SPATA17: variants seen among roughly 807,000 people sequenced by gnomAD.
SPATA17 encodes the protein spermatogenesis-associated protein 17.
SPATA17 carries 53 observed loss-of-function variants against 62.2 expected under a neutral mutation model. The observed-to-expected ratio is 0.85, with a 90% CI of 0.68 to 1.07. The LOEUF is 1.07. SPATA17 is among the 50% of genes least tolerant of loss of function. The pLI is 0.00. For synonymous variants in SPATA17, 146 were observed against 146.8 expected, an observed-to-expected ratio of 0.99 and a Z score of 0.04; for missense variants, 466 against 425.5, an observed-to-expected ratio of 1.10 and a Z score of -0.84.
chr1:217,799,368 A>G (rs890974153), intron 8 of SPATA17, among the ~76,000 whole-genome samples: 2 of 152,136 alleles, frequency 1.3e-5, no homozygotes, highest in Non-Finnish European at 2.9e-5. Flanking sequence ...TTAAAATGCA[A>G]TTCAGAAGTG....
chr1:217,651,277 G>C, intron 3 of SPATA17, 99 bp downstream of exon 3: 1 of 942,818 alleles, frequency 1.1e-6, no homozygotes, highest in South Asian at 2.0e-5. Context: ...AATTACTGAT[G>C]ATGAGTATTT....
intron 6 of SPATA17, among the ~76,000 whole-genome samples, chr1:217,753,418 A>G (rs1354488872): frequency 1.3e-5 from 2 of 152,130 alleles, no homozygotes; most frequent in African/African-American, 4.8e-5. Flanking sequence ...TTTTAGGCCT[A>G]TCTTTCTTTA....
In SPATA17 at chr1:217,870,382, C is replaced by A. The variant is rs899829205; in HGVS notation, c.*3363C>A. 2.6e-5 allele frequency: 4 copies of A among 152,108 alleles called. No homozygotes were observed. The highest frequency in any genetic ancestry group is 9.7e-5 in the African/African-American group (4 of 41,420). The allele number at this position is 152,108 out of a possible 1,614,324, so 9.4% of individuals were successfully genotyped here. ...CCTTAACCACCATCTGCCTCTCCCC[C>A]CAGACACACATAAGTTTATGATAAC... is the stretch of plus-strand genomic sequence containing the variant. On this transcript the variant is annotated 3_prime_UTR_variant, in exon 11 of 11. Transcript: ENST00000366933.
At chr1:217,811,801 T>C (rs1674597917) in intron 9 of SPATA17, among the ~76,000 whole-genome samples, 1 of 152,130 alleles carries the variant, frequency 6.6e-6, no homozygotes, top group African/African-American at 2.4e-5. Flanking sequence ...TTATTAGAAA[T>C]ACTTTACAAT....
chr1:217,667,757 G>A (rs1386915744), intron 3 of SPATA17, among the ~76,000 whole-genome samples: 1 of 152,186 alleles, frequency 6.6e-6, no homozygotes, highest in Non-Finnish European at 1.5e-5. Flanking sequence ...AGCAATGTCT[G>A]CTTCAATATG....
chr1:217,846,571 G>A (rs1470073015), intron 9 of SPATA17, among the ~76,000 whole-genome samples: 2 of 151,944 alleles, frequency 1.3e-5, no homozygotes, highest in Admixed American at 6.6e-5. Context: ...AAGCTTAACT[G>A]AAAGACTTTT....
At chr1:217,747,186 AGATT>A (rs1314134601) in intron 6 of SPATA17, among the ~76,000 whole-genome samples, 5 of 152,120 alleles carry the variant, frequency 3.3e-5, no homozygotes, top group African/African-American at 7.2e-5. Flanking sequence ...CTTTCTCTAA[AGATT>A]GATTATTTAA....
intron 6 of SPATA17, among the ~76,000 whole-genome samples, chr1:217,763,041 A>T (rs1673211139): frequency 6.6e-6 from 1 of 152,222 alleles, no homozygotes; most frequent in South Asian, 2.1e-4. Flanking sequence ...ATTCTGAATG[A>T]GTCAATTTAG....
intron 9 of SPATA17, chr1:217,850,273 A>T: frequency 2.8e-6 from 1 of 356,126 alleles, no homozygotes; most frequent in Non-Finnish European, 5.4e-6. Flanking sequence ...ATGCAACAAA[A>T]CCTTTATTAA....
At position 217,841,409 on chromosome 1, in the gene SPATA17, T is replaced by C. The variant is rs548506054; in HGVS notation, c.1006-21365T>C. On this transcript the variant is annotated intron_variant, in intron 9 of 10. Transcript: ENST00000366933. ...AGTTTGAATTATGAAACATTTTTAA[T>C]ACCTAGAAAAGTATGGCAAAATATA... Among the ~76,000 whole-genome samples the C allele has an allele frequency of 3.9e-5, 6 of 152,122 alleles. No homozygotes were observed. In the East Asian group the frequency reaches 7.8e-4, roughly 20 times the overall value.
At chr1:217,632,542 C>A (rs1444722069) in intron 1 of SPATA17, among the ~76,000 whole-genome samples, 2 of 152,216 alleles carry the variant, frequency 1.3e-5, no homozygotes, top group Non-Finnish European at 2.9e-5. Context: ...ACGTACCTCT[C>A]TTACAGCACT....
intron 5 of SPATA17, among the ~76,000 whole-genome samples, chr1:217,714,666 T>A (rs551891211): frequency 6.6e-6 from 1 of 151,876 alleles, no homozygotes; most frequent in East Asian, 2.0e-4. Flanking sequence ...TGTATTTTTT[T>A]AGTAGAGACG....
chr1:217,735,977 A>AT (rs1166271269), intron 5 of SPATA17, among the ~76,000 whole-genome samples: 1 of 151,596 alleles, frequency 6.6e-6, no homozygotes, highest in African/African-American at 2.4e-5. Context: ...ATGAGTTTAG[A>AT]TTTTTTATCT....
intron 9 of SPATA17, among the ~76,000 whole-genome samples, chr1:217,824,165 C>G (rs2102998367): frequency 6.6e-6 from 1 of 152,002 alleles, no homozygotes; most frequent in South Asian, 2.1e-4. Flanking sequence ...TTCCAAATAG[C>G]TACTAAGTTT....
chr1:217,688,885 CT>C (rs139303167), intron 5 of SPATA17, among the ~76,000 whole-genome samples: 14,625 of 152,134 alleles, frequency 0.096, 952 homozygotes, highest in Non-Finnish European at 0.14. Context: ...TCTTTGAAAC[CT>C]CAGTGCCTAG....
chr1:217,723,473 G>T lies in SPATA17; in HGVS notation c.396-18502G>T, dbSNP rs1672186702. Among the ~76,000 whole-genome samples the T allele has an allele frequency of 2.6e-5, 4 of 152,042 alleles. No individual in the cohort carries two copies. In the South Asian group the frequency reaches 8.3e-4, roughly 32 times the overall value. The stretch of plus-strand genomic sequence containing the variant: ...TATAAATAGATTAAATCTTTCTTTT[G>T]TATACTTCCGTAATTCTCCGTAATT... On this transcript the variant is annotated intron_variant, in intron 5 of 10. Coordinates refer to ENST00000366933, the MANE Select transcript of SPATA17 (RefSeq NM_138796.4).
intron 8 of SPATA17, 49 bp downstream of exon 8, chr1:217,782,371 A>C: frequency 6.6e-7 from 1 of 1,510,538 alleles, no homozygotes; most frequent in Non-Finnish European, 8.8e-7. Context: ...TGGTGCCTTA[A>C]ATTTTCTAAT....
chr1:217,704,606 A>G (rs1671690655), intron 5 of SPATA17, among the ~76,000 whole-genome samples: 1 of 152,022 alleles, frequency 6.6e-6, no homozygotes, highest in South Asian at 2.1e-4. Flanking sequence ...TTGTGTCCAT[A>G]TGTACTCAAT....
chr1:217,682,617 C>A (rs1159545280), intron 4 of SPATA17, among the ~76,000 whole-genome samples: 1 of 152,042 alleles, frequency 6.6e-6, no homozygotes, highest in Non-Finnish European at 1.5e-5. Context: ...AATTGTGTAA[C>A]CTCTCTTTTT....
Sources: allele counts gnomAD v4.1 joint callset (sites outside exome capture counted in the v4.1 genomes callset), GRCh38; gene constraint gnomAD v4.1.1; transcripts MANE v1.5; gene names NCBI Gene and HGNC (gene_info 2026-07-23, HGNC 2026-07-21).